SP140: variants seen among roughly 807,000 people sequenced by gnomAD.
SP140 encodes the protein SP140 nuclear body protein.
In SP140, 81 loss-of-function variants were observed where a neutral mutation model predicts 125.0. That is an observed-to-expected ratio of 0.65 (90% confidence interval 0.54 to 0.78). SP140 has a LOEUF of 0.78. SP140 is among the 30% of genes least tolerant of loss of function. SP140 has a pLI of 0.00. For synonymous variants in SP140, 312 were observed against 354.0 expected (o/e 0.88, Z 1.33); for missense variants, 858 against 1,037.0 (o/e 0.83, Z 2.37).
downstream of SP140, among the ~76,000 whole-genome samples, chr2:230,314,216 A>G (rs574053551): frequency 2.0e-5 from 3 of 152,182 alleles, no homozygotes; most frequent in Non-Finnish European, 4.4e-5. Context: ...CCTACAGAAA[A>G]ATCCTCTTTC....
chr2:230,312,333 T>C (rs1293230710), intron 26 of SP140, among the ~76,000 whole-genome samples: 3 of 152,222 alleles, frequency 2.0e-5, no homozygotes, highest in Non-Finnish European at 4.4e-5. Context: ...AGAAAGTAAA[T>C]TTCAAATGTA....
At chr2:230,196,192 A>T in the SP140 span, among the ~76,000 whole-genome samples, 2 of 152,226 alleles carry the variant, frequency 1.3e-5, no homozygotes, top group Non-Finnish European at 2.9e-5. Context: ...TTAACCAAGT[A>T]AGCTTGTGTT....
intron 12 of SP140, among the ~76,000 whole-genome samples, chr2:230,263,808 C>T (rs7557737): frequency 0.21 from 32,652 of 152,148 alleles, 3,804 homozygotes; most frequent in African/African-American, 0.3. Context: ...CCCAGTCCCT[C>T]CTGTCTTATA....
At chr2:230,308,483 T>C (rs534395021) in intron 22 of SP140, among the ~76,000 whole-genome samples, 81 of 152,344 alleles carry the variant, frequency 5.3e-4, no homozygotes, top group East Asian at 4.4e-3. Flanking sequence ...ACACACAGCA[T>C]CTGACACTGG....
At chr2:230,245,781 C>A (rs375451361) in intron 6 of SP140, 82 bp from the exon 7 acceptor site, 1 of 895,092 alleles carries the variant, frequency 1.1e-6, no homozygotes, top group Non-Finnish European at 1.9e-6. Context: ...GTTCTACACC[C>A]GAATATTAGA....
chr2:230,207,576 C>T (rs1268286827), intron 1 of SP140, among the ~76,000 whole-genome samples: 3 of 152,162 alleles, frequency 2.0e-5, no homozygotes, highest in Non-Finnish European at 2.9e-5. Flanking sequence ...TGCATCTTCC[C>T]TCAGCAATGG....
At chr2:230,233,463 A>G (rs2047543876) in intron 1 of SP140, among the ~76,000 whole-genome samples, 1 of 152,170 alleles carries the variant, frequency 6.6e-6, no homozygotes, top group Admixed American at 6.5e-5. Context: ...TATATGCAGT[A>G]TATATCCTCT....
At chr2:230,233,918 G>A (rs1363777925) in intron 1 of SP140, among the ~76,000 whole-genome samples, 3 of 152,218 alleles carry the variant, frequency 2.0e-5, no homozygotes, top group African/African-American at 7.2e-5. Context: ...GTTATTATGT[G>A]AAGAGTTTTA....
At chr2:230,186,211 AG>A in the SP140 span, 4 of 1,480,168 alleles carry the variant, frequency 2.7e-6, no homozygotes, top group East Asian at 6.8e-5. Flanking sequence ...CTACCCTTTC[AG>A]GAGTTATCTT....
chr2:230,247,032 A>C (rs898074758), intron 7 of SP140, among the ~76,000 whole-genome samples: 8 of 152,168 alleles, frequency 5.3e-5, no homozygotes, highest in Non-Finnish European at 1.2e-4. Context: ...GTTAGCAGCG[A>C]GTTTTCACAT....
In SP140 at chr2:230,259,924, G is replaced by A. The variant is rs540628176; in HGVS notation, c.1240+4392G>A. On this transcript the variant is annotated intron_variant, in intron 12 of 26. Coordinates refer to ENST00000392045, the MANE Select transcript of SP140 (RefSeq NM_007237.5). ...ACATGCATGTGCAAGTATCTTTTTC[G>A]AATAATGACTTCTTTTCCTCTGGAT... Among the ~76,000 whole-genome samples, 8 of 151,774 alleles carry A rather than the reference G, an allele frequency of 5.3e-5. No homozygotes were observed. In the South Asian group the frequency reaches 1.5e-3, roughly 28 times the overall value.
At chr2:230,254,086 G>A (rs2050781227) in intron 11 of SP140, among the ~76,000 whole-genome samples, 1 of 152,212 alleles carries the variant, frequency 6.6e-6, no homozygotes, top group Non-Finnish European at 1.5e-5. Flanking sequence ...TAAGAAATAA[G>A]AGGCAGAGAG....
chr2:230,222,840 G>GTTT (rs35018428), upstream of SP140, among the ~76,000 whole-genome samples: 11 of 128,934 alleles, frequency 8.5e-5, no homozygotes, highest in Non-Finnish European at 9.9e-5. Flanking sequence ...GTGTATTAAA[G>GTTT]TTTTTTTTTT....
chr2:230,213,997 G>A (rs1354097970), exon 3 of SP140: 2 of 152,246 alleles, frequency 1.3e-5, no homozygotes, highest in African/African-American at 4.8e-5. Context: ...GAGAGCAAAG[G>A]AGGAACTGTC....
At chr2:230,249,005 T>C (rs1276505348) in intron 9 of SP140, 37 bp downstream of exon 9, 39 of 1,527,874 alleles carry the variant, frequency 2.6e-5, no homozygotes, top group Non-Finnish European at 3.5e-5. Flanking sequence ...TTTGAGTACA[T>C]CTTTGTTTTC....
chr2:230,268,637 A>G (rs2053491795), intron 12 of SP140, among the ~76,000 whole-genome samples: 2 of 152,226 alleles, frequency 1.3e-5, no homozygotes, highest in African/African-American at 2.4e-5. Flanking sequence ...TGTACTTCCA[A>G]CTGAAAATAT....
downstream of SP140, among the ~76,000 whole-genome samples, chr2:230,313,519 G>A (rs2059455061): frequency 6.6e-6 from 1 of 152,194 alleles, no homozygotes; most frequent in Non-Finnish European, 1.5e-5. Context: ...TGTGTTCCCA[G>A]GTATCAGGCT....
chr2:230,298,509 G>A (rs2057975217), intron 22 of SP140, among the ~76,000 whole-genome samples: 1 of 152,200 alleles, frequency 6.6e-6, no homozygotes, highest in African/African-American at 2.4e-5. Context: ...GTCAGTGTTT[G>A]TGTGGCTGAT....
chr2:230,313,372 T>C (rs985789171), downstream of SP140, among the ~76,000 whole-genome samples: 1 of 152,152 alleles, frequency 6.6e-6, no homozygotes, highest in African/African-American at 2.4e-5. Flanking sequence ...GAGTGGTGGC[T>C]GCTAATTAAT....
Sources: allele counts gnomAD v4.1 joint callset (sites outside exome capture counted in the v4.1 genomes callset), GRCh38; gene constraint gnomAD v4.1.1; transcripts MANE v1.5; gene names NCBI Gene and HGNC (gene_info 2026-07-23, HGNC 2026-07-21).